NALCN: variants seen among roughly 807,000 people sequenced by gnomAD.
NALCN encodes the protein sodium leak channel, non-selective, also known as sodium leak channel NALCN.
Under a neutral mutation model 225.3 loss-of-function variants are expected in NALCN, and 111 were observed. The observed-to-expected ratio is 0.49, with a 90% CI of 0.42 to 0.58. NALCN has a LOEUF of 0.58. Among genes scored for constraint, NALCN ranks in the 20% least tolerant of loss-of-function variants. The pLI is 0.00. For missense variants in NALCN, 1,378 were observed against 2,202.4 expected (o/e 0.63, Z 7.49); for synonymous variants, 764 against 769.0 (o/e 0.99, Z 0.11).
At chr13:101,404,218 TC>T (rs1370659065) in intron 1 of NALCN, among the ~76,000 whole-genome samples, 1 of 152,122 alleles carries the variant, frequency 6.6e-6, no homozygotes, top group Non-Finnish European at 1.5e-5. Context: ...CCATACTACC[TC>T]CCTAGGCAAG....
intron 13 of NALCN, among the ~76,000 whole-genome samples, chr13:101,208,413 C>T (rs1349871292): frequency 2.0e-5 from 3 of 152,344 alleles, no homozygotes; most frequent in African/African-American, 7.2e-5. Context: ...CAAGGGTCTG[C>T]GGCTTCATTC....
chr13:101,230,954 G>C (rs1355543792), intron 12 of NALCN, among the ~76,000 whole-genome samples: 2 of 151,994 alleles, frequency 1.3e-5, no homozygotes, highest in Non-Finnish European at 2.9e-5. Flanking sequence ...TCTATATTTA[G>C]CTATGTTTAG....
At chr13:101,178,144 C>T (rs959483442) in intron 14 of NALCN, among the ~76,000 whole-genome samples, 11 of 152,252 alleles carry the variant, frequency 7.2e-5, no homozygotes, top group South Asian at 2.1e-4. Context: ...AATACCTCGA[C>T]GACAGAAAGT....
At chr13:101,236,931 A>G (rs1381346949) in intron 12 of NALCN, among the ~76,000 whole-genome samples, 1 of 130,206 alleles carries the variant, frequency 7.7e-6, no homozygotes, top group Non-Finnish European at 1.6e-5. Context: ...AAAATAAAAT[A>G]AAATAAAAAA....
chr13:101,288,260 C>T (rs548273462), intron 9 of NALCN, among the ~76,000 whole-genome samples: 20 of 152,146 alleles, frequency 1.3e-4, no homozygotes, highest in Non-Finnish European at 2.5e-4. Context: ...CCCTGAAATG[C>T]ATTAATTGAA....
At chr13:101,158,369 C>T (rs1030425179) in intron 15 of NALCN, among the ~76,000 whole-genome samples, 7 of 152,350 alleles carry the variant, frequency 4.6e-5, no homozygotes, top group Non-Finnish European at 1.0e-4. Flanking sequence ...TTGGCCTCTG[C>T]CTGTGCAGCC....
intron 7 of NALCN, among the ~76,000 whole-genome samples, chr13:101,344,328 A>G (rs929584553): frequency 2.0e-5 from 3 of 152,206 alleles, no homozygotes; most frequent in African/African-American, 7.2e-5. Flanking sequence ...GAGATGGAAG[A>G]ATGCCATCTA....
At chr13:101,122,947 C>G (rs2036051177) in intron 18 of NALCN, among the ~76,000 whole-genome samples, 3 of 152,184 alleles carry the variant, frequency 2.0e-5, no homozygotes, top group Non-Finnish European at 4.4e-5. Context: ...TGGGAACGGT[C>G]CTTTTGCTTG....
chr13:101,337,433 C>T (rs989488367), intron 7 of NALCN, among the ~76,000 whole-genome samples: 4 of 151,920 alleles, frequency 2.6e-5, no homozygotes, highest in Admixed American at 6.6e-5. Flanking sequence ...CTCAGCCTCC[C>T]GAGTAGCTGG....
At chr13:101,181,153 A>G (rs760526916) in intron 14 of NALCN, 1 of 518,934 alleles carries the variant, frequency 1.9e-6, no homozygotes, top group Non-Finnish European at 3.8e-6. Context: ...AGCCACGCAG[A>G]TGCCAAGGAG....
At chr13:101,392,731 A>C (rs778574730) in intron 3 of NALCN, among the ~76,000 whole-genome samples, 1 of 152,192 alleles carries the variant, frequency 6.6e-6, no homozygotes, top group Non-Finnish European at 1.5e-5. Context: ...ATCTTTCTTT[A>C]TTTGAATATG....
At chr13:101,194,331 G>A (rs998705685) in intron 13 of NALCN, among the ~76,000 whole-genome samples, 1 of 152,176 alleles carries the variant, frequency 6.6e-6, no homozygotes, top group African/African-American at 2.4e-5. Flanking sequence ...TGCGAACAAG[G>A]CTTTCTGTGA....
intron 26 of NALCN, among the ~76,000 whole-genome samples, chr13:101,101,510 A>G (rs2139600866): frequency 6.6e-6 from 1 of 151,782 alleles, no homozygotes; most frequent in East Asian, 1.9e-4. Flanking sequence ...TGAACTCCTG[A>G]CCTCAGGCAA....
At chr13:101,309,930 A>G (rs975918881) in intron 7 of NALCN, among the ~76,000 whole-genome samples, 1 of 152,214 alleles carries the variant, frequency 6.6e-6, no homozygotes, top group East Asian at 1.9e-4. Context: ...CCCCTCAAAC[A>G]TGCTCTTCTG....
At chr13:101,281,738 A>G (rs779923458) in intron 10 of NALCN, among the ~76,000 whole-genome samples, 2 of 152,224 alleles carry the variant, frequency 1.3e-5, no homozygotes, top group Non-Finnish European at 2.9e-5. Flanking sequence ...TGAAAAGGAG[A>G]TAATATTCAA....
chr13:101,066,126 G>C (rs1207424100), intron 39 of NALCN, among the ~76,000 whole-genome samples: 2 of 152,028 alleles, frequency 1.3e-5, no homozygotes, highest in African/African-American at 4.8e-5. Context: ...AGGAGTTCGA[G>C]ACCAGCCTGG....
chr13:101,335,062 CT>C (rs1269050010), intron 7 of NALCN, among the ~76,000 whole-genome samples: 3 of 152,240 alleles, frequency 2.0e-5, no homozygotes, highest in African/African-American at 7.2e-5. Context: ...CCAATGAACA[CT>C]GTCTTCTACA....
chr13:101,293,209 G>A (rs2043614691), intron 7 of NALCN, among the ~76,000 whole-genome samples: 1 of 152,172 alleles, frequency 6.6e-6, no homozygotes, highest in South Asian at 2.1e-4. Flanking sequence ...ATCCAACTGT[G>A]ATGATATCTT....
chr13:101,102,433 T>C lies in NALCN; in HGVS notation c.3057+739A>G, dbSNP rs112893179. Among the ~76,000 whole-genome samples the C allele has an allele frequency of 2.0e-3, 311 of 152,330 alleles. 2 individuals carry two copies. Among genetic ancestry groups the C allele is most frequent in the African/African-American group, 7.1e-3 (294 of 41,578 alleles). On this transcript the variant is annotated intron_variant, in intron 26 of 43. Transcript: ENST00000251127. Reference sequence around the variant, plus strand: ...AAGCAAGATACAAAACAAGCCTATGTAAATTAATTCATGCTTCTCATGCAC... The same window carrying C: ...AAGCAAGATACAAAACAAGCCTATGCAAATTAATTCATGCTTCTCATGCAC...
Sources: allele counts gnomAD v4.1 joint callset (sites outside exome capture counted in the v4.1 genomes callset), GRCh38; gene constraint gnomAD v4.1.1; transcripts MANE v1.5; gene names NCBI Gene and HGNC (gene_info 2026-07-23, HGNC 2026-07-21).